Variants in RASGEF1A observed in about 807,000 individuals in gnomAD.
RASGEF1A encodes the protein ras-GEF domain-containing family member 1A.
A neutral mutation model predicts 56.4 loss-of-function variants in RASGEF1A; 18 were observed. That is an observed-to-expected ratio of 0.32 (90% CI 0.22 to 0.47). The LOEUF is 0.47. Ranked by LOEUF, RASGEF1A falls within the 20% of genes least tolerant of loss-of-function variation. RASGEF1A has a pLI of 1.00. For missense variants in RASGEF1A, 422 were observed against 627.1 expected (o/e 0.67, Z 3.49); for synonymous variants, 245 against 242.6 (o/e 1.01, Z -0.09).
At chr10:43,236,290 T>A (rs1172167711) in intron 1 of RASGEF1A, among the ~76,000 whole-genome samples, 1 of 152,242 alleles carries the variant, frequency 6.6e-6, no homozygotes. Flanking sequence ...AGGCATCGTC[T>A]AGGGCACCGC....
chr10:43,264,242 G>A (rs781639745), intron 1 of RASGEF1A, among the ~76,000 whole-genome samples: 2 of 151,614 alleles, frequency 1.3e-5, no homozygotes, highest in Non-Finnish European at 2.9e-5. Context: ...ACTCTGGGCC[G>A]GCCCAGAGCC....
intron 1 of RASGEF1A, among the ~76,000 whole-genome samples, chr10:43,222,323 T>G (rs1840219272): frequency 6.6e-6 from 1 of 152,204 alleles, no homozygotes; most frequent in Non-Finnish European, 1.5e-5. Flanking sequence ...TTCTGTGTGC[T>G]GATGGACTTC....
intron 1 of RASGEF1A, among the ~76,000 whole-genome samples, chr10:43,221,834 C>T (rs1840212585): frequency 1.3e-5 from 2 of 152,346 alleles, no homozygotes; most frequent in African/African-American, 4.8e-5. Flanking sequence ...CCTCTGAGGC[C>T]CTGCTCTCCA....
At chr10:43,207,648 G>A (rs1840015574) in intron 1 of RASGEF1A, 1 of 985,558 alleles carries the variant, frequency 1.0e-6, no homozygotes, top group Non-Finnish European at 1.2e-6. Flanking sequence ...CCAGGACAGG[G>A]AGGTCATGGC....
At chr10:43,263,889 C>A (rs1381338283) in intron 1 of RASGEF1A, among the ~76,000 whole-genome samples, 1 of 152,148 alleles carries the variant, frequency 6.6e-6, no homozygotes, top group Non-Finnish European at 1.5e-5. Flanking sequence ...GTGGCCACAG[C>A]AGCAGTCACA....
chr10:43,198,334 A>T, intron 9 of RASGEF1A, 139 bp from the exon 10 acceptor site: 1 of 689,154 alleles, frequency 1.5e-6, no homozygotes, highest in Non-Finnish European at 2.3e-6. Context: ...AGCACGGGGG[A>T]GGGGACGCCC....
chr10:43,208,588 AG>A, intron 1 of RASGEF1A: 2 of 985,596 alleles, frequency 2.0e-6, no homozygotes, highest in Non-Finnish European at 2.4e-6. Flanking sequence ...GCAGAGCCTG[AG>A]GGGGACCGTG....
At chr10:43,249,550 C>T (rs753424010) in intron 1 of RASGEF1A, among the ~76,000 whole-genome samples, 4 of 152,242 alleles carry the variant, frequency 2.6e-5, no homozygotes, top group Non-Finnish European at 5.9e-5. Flanking sequence ...GCTGGCTCTG[C>T]TCCCCCAGGC....
intron 1 of RASGEF1A, among the ~76,000 whole-genome samples, chr10:43,216,145 G>T (rs1420044116): frequency 2.0e-5 from 3 of 152,214 alleles, no homozygotes; most frequent in African/African-American, 7.2e-5. Flanking sequence ...CCCCAGCAGT[G>T]CCAGGCTGCC....
At chr10:43,232,313 C>A (rs1199273471) in intron 1 of RASGEF1A, among the ~76,000 whole-genome samples, 1 of 152,094 alleles carries the variant, frequency 6.6e-6, no homozygotes, top group African/African-American at 2.4e-5. Flanking sequence ...GGCACCTCCC[C>A]CTTCTCTCTC....
intron 1 of RASGEF1A, among the ~76,000 whole-genome samples, chr10:43,244,090 A>G (rs1346723773): frequency 6.6e-6 from 1 of 152,210 alleles, no homozygotes; most frequent in Admixed American, 6.5e-5. Flanking sequence ...CCTTACCCCC[A>G]ACCCCCTGCT....
intron 1 of RASGEF1A, among the ~76,000 whole-genome samples, chr10:43,222,206 C>T (rs1280798281): frequency 6.6e-6 from 1 of 152,208 alleles, no homozygotes; most frequent in Non-Finnish European, 1.5e-5. Context: ...AGCACAGTGA[C>T]AATATCATAT....
chr10:43,205,640 T>C (rs1839982096), intron 2 of RASGEF1A, among the ~76,000 whole-genome samples: 1 of 152,162 alleles, frequency 6.6e-6, no homozygotes, highest in African/African-American at 2.4e-5. Flanking sequence ...TCGGCCCTTG[T>C]GTGTTTCTGC....
At chr10:43,251,530 C>A (rs773178201) in intron 1 of RASGEF1A, among the ~76,000 whole-genome samples, 2 of 152,160 alleles carry the variant, frequency 1.3e-5, no homozygotes, top group Non-Finnish European at 2.9e-5. Flanking sequence ...CCACTGAGCA[C>A]AAGGTGTCAG....
intron 1 of RASGEF1A, among the ~76,000 whole-genome samples, chr10:43,254,218 A>AG (rs1840659632): frequency 6.6e-6 from 1 of 152,148 alleles, no homozygotes; most frequent in Non-Finnish European, 1.5e-5. Context: ...AGACAAACAG[A>AG]GGGGGCCTTC....
intron 1 of RASGEF1A, among the ~76,000 whole-genome samples, chr10:43,260,032 C>T (rs1480942640): frequency 1.3e-5 from 2 of 152,182 alleles, no homozygotes; most frequent in Non-Finnish European, 2.9e-5. Context: ...CTGCCTCTGC[C>T]CCTCTCTGCA....
intron 1 of RASGEF1A, among the ~76,000 whole-genome samples, chr10:43,254,982 G>A (rs1262750265): frequency 6.6e-6 from 1 of 152,070 alleles, no homozygotes; most frequent in Non-Finnish European, 1.5e-5. Context: ...TGGGAACACT[G>A]GGGACTTTCC....
intron 1 of RASGEF1A, among the ~76,000 whole-genome samples, chr10:43,218,540 AT>A (rs1409084118): frequency 7.9e-5 from 12 of 152,176 alleles, no homozygotes; most frequent in African/African-American, 2.6e-4. Context: ...TGCTGGCCCC[AT>A]TCCTGCAGCA....
intron 1 of RASGEF1A, among the ~76,000 whole-genome samples, chr10:43,251,999 C>T (rs1564543467): frequency 1.3e-5 from 2 of 152,198 alleles, no homozygotes; most frequent in African/African-American, 2.4e-5. Context: ...GGTAGCGGCA[C>T]CCTGAGGACA....
Sources: gnomAD v4.1 joint callset for allele counts (sites outside exome capture counted in the v4.1 genomes callset) on GRCh38, gnomAD v4.1.1 for gene constraint, MANE v1.5 for transcripts, NCBI Gene and HGNC (gene_info 2026-07-23, HGNC 2026-07-21) for gene names.